Variants in LRP1B observed in about 807,000 individuals in gnomAD.
The protein encoded by LRP1B is low-density lipoprotein receptor-related protein 1B.
In LRP1B, 217 loss-of-function variants were observed where a neutral mutation model predicts 556.6. The observed-to-expected ratio is 0.39, with a 90% CI of 0.35 to 0.44. LRP1B has a LOEUF of 0.44. LRP1B is among the 20% of genes least tolerant of loss of function. The pLI, the probability that LRP1B is intolerant of heterozygous loss-of-function variation, is 1.00. For missense variants in LRP1B, 5,053 were observed against 5,620.8 expected, an observed-to-expected ratio of 0.90 and a Z score of 3.23; for synonymous variants, 2,047 against 1,865.8, an observed-to-expected ratio of 1.10 and a Z score of -2.50.
intron 59 of LRP1B, among the ~76,000 whole-genome samples, chr2:140,476,623 A>G (rs974392815): frequency 6.6e-6 from 1 of 152,042 alleles, no homozygotes; most frequent in African/African-American, 2.4e-5. Context: ...GTGTTTTGAC[A>G]ATCATTTTCT....
intron 31 of LRP1B, among the ~76,000 whole-genome samples, chr2:140,838,098 A>G (rs1691975486): frequency 6.6e-6 from 1 of 152,134 alleles, no homozygotes; most frequent in African/African-American, 2.4e-5. Context: ...CTGGATATTT[A>G]GTATTAGAAA....
At chr2:141,334,363 C>T (rs1186422666) in intron 3 of LRP1B, among the ~76,000 whole-genome samples, 1 of 152,230 alleles carries the variant, frequency 6.6e-6, no homozygotes, top group Non-Finnish European at 1.5e-5. Flanking sequence ...CTTCCTCCTG[C>T]TCTAGCAATG....
rs1045788623 is a variant in LRP1B at position 141,874,347 on chromosome 2, G to A, written c.83-63946C>T. 5.9e-5 allele frequency among the ~76,000 whole-genome samples: 9 copies of A among 151,610 alleles called. No individual in the cohort carries two copies. In the South Asian group the frequency reaches 1.9e-3, roughly 31 times the overall value. On this transcript the variant is annotated intron_variant, in intron 1 of 90. Transcript: ENST00000389484. ...GTTATTGATGGAAAATATGGTCTGGGCACATAGTGCTTTCAAAATATTATT... is the reference window on the plus strand; with the variant it reads ...GTTATTGATGGAAAATATGGTCTGGACACATAGTGCTTTCAAAATATTATT...
At chr2:141,327,449 G>A (rs57789931) in intron 3 of LRP1B, among the ~76,000 whole-genome samples, 15,604 of 151,976 alleles carry the variant, frequency 0.1, 1,867 homozygotes, top group African/African-American at 0.29. Flanking sequence ...CTCTTTGTGT[G>A]GATAAGCAAA....
chr2:141,989,689 G>A (rs1340510902), intron 1 of LRP1B, among the ~76,000 whole-genome samples: 2 of 151,890 alleles, frequency 1.3e-5, no homozygotes, highest in African/African-American at 2.4e-5. Flanking sequence ...GAGTTCTCAC[G>A]AGATCTGATG....
chr2:140,661,388 G>C lies in LRP1B; in HGVS notation c.6799+38862C>G, dbSNP rs559160379. On this transcript the variant is annotated intron_variant, in intron 41 of 90. Transcript: ENST00000389484. ...TTAGTTTAAAAATTGGGCTGGGCAT[G>C]ATGGCTCATGCCTATAATCCCAGCA... Among the ~76,000 whole-genome samples, 4 of 151,846 alleles carry C rather than the reference G, an allele frequency of 2.6e-5. No individual in the cohort carries two copies. In the South Asian group the frequency reaches 8.3e-4, roughly 32 times the overall value.
intron 1 of LRP1B, among the ~76,000 whole-genome samples, chr2:141,841,133 T>C (rs1242080855): frequency 6.6e-6 from 1 of 152,184 alleles, no homozygotes; most frequent in African/African-American, 2.4e-5. Flanking sequence ...TTAAATTTTT[T>C]AATCTTCAAA....
chr2:141,086,081 G>T (rs569549877), intron 7 of LRP1B, among the ~76,000 whole-genome samples: 6 of 152,272 alleles, frequency 3.9e-5, no homozygotes, highest in African/African-American at 1.4e-4. Context: ...CGTTAATTTT[G>T]ATCACTTGCT....
chr2:140,969,802 A>T (rs1454185406), intron 18 of LRP1B, among the ~76,000 whole-genome samples: 2 of 152,292 alleles, frequency 1.3e-5, no homozygotes, highest in East Asian at 3.9e-4. Flanking sequence ...TTGGCTGGAT[A>T]TGAAATCCTG....
At chr2:140,979,378 A>C (rs1696698601) in intron 18 of LRP1B, among the ~76,000 whole-genome samples, 1 of 152,196 alleles carries the variant, frequency 6.6e-6, no homozygotes, top group Non-Finnish European at 1.5e-5. Context: ...TTACAATTAA[A>C]CATATAATGT....
chr2:141,162,429 C>A (rs1211254435), intron 7 of LRP1B, among the ~76,000 whole-genome samples: 2 of 151,966 alleles, frequency 1.3e-5, no homozygotes. Context: ...TGCAAACAAC[C>A]TGGTGCTGCT....
intron 63 of LRP1B, among the ~76,000 whole-genome samples, 164 bp from the exon 64 acceptor site, chr2:140,444,843 C>G (rs2380793): frequency 6.6e-6 from 1 of 152,066 alleles, no homozygotes; most frequent in South Asian, 2.1e-4. Context: ...TTTAGCTATA[C>G]TTTGAGCAAC....
At chr2:141,542,764 T>C (rs1685306039) in intron 2 of LRP1B, among the ~76,000 whole-genome samples, 1 of 152,170 alleles carries the variant, frequency 6.6e-6, no homozygotes, top group Non-Finnish European at 1.5e-5. Context: ...GGTAGGCAAG[T>C]GTGGATGACC....
At chr2:140,709,537 A>G (rs1686961227) in intron 37 of LRP1B, among the ~76,000 whole-genome samples, 1 of 151,856 alleles carries the variant, frequency 6.6e-6, no homozygotes, top group Non-Finnish European at 1.5e-5. Context: ...TAGCTGAAAG[A>G]AACTGATTTT....
At chr2:141,299,498 G>A (rs1186086080) in intron 3 of LRP1B, among the ~76,000 whole-genome samples, 1 of 152,054 alleles carries the variant, frequency 6.6e-6, no homozygotes, top group Non-Finnish European at 1.5e-5. Flanking sequence ...ACATAGCTTT[G>A]TATTATAATT....
chr2:141,927,296 C>A (rs1700360095), intron 1 of LRP1B, among the ~76,000 whole-genome samples: 2 of 152,044 alleles, frequency 1.3e-5, no homozygotes, highest in Admixed American at 1.3e-4. Flanking sequence ...ATTTTGAGAA[C>A]ACCATTAAGA....
intron 32 of LRP1B, among the ~76,000 whole-genome samples, chr2:140,790,584 A>G (rs943872331): frequency 6.6e-6 from 1 of 152,088 alleles, no homozygotes; most frequent in Non-Finnish European, 1.5e-5. Context: ...TGCTCCTTCT[A>G]TGTCAGCCTT....
chr2:141,616,394 C>T (rs1428595803), intron 2 of LRP1B, among the ~76,000 whole-genome samples: 2 of 152,098 alleles, frequency 1.3e-5, no homozygotes, highest in Non-Finnish European at 2.9e-5. Flanking sequence ...TCTCCCACCC[C>T]CATTATCTCC....
chr2:141,329,084 T>C (rs998172828), intron 3 of LRP1B, among the ~76,000 whole-genome samples: 17 of 152,140 alleles, frequency 1.1e-4, no homozygotes, highest in African/African-American at 3.9e-4. Flanking sequence ...GGTTTTGTAA[T>C]AGTTTTAAAA....
Sources: allele counts gnomAD v4.1 joint callset (sites outside exome capture counted in the v4.1 genomes callset), GRCh38; gene constraint gnomAD v4.1.1; transcripts MANE v1.5; gene names NCBI Gene and HGNC (gene_info 2026-07-23, HGNC 2026-07-21).